FMN1: variants seen among roughly 807,000 people sequenced by gnomAD.
FMN1 encodes formin-1.
Under a neutral mutation model 132.4 loss-of-function variants are expected in FMN1, and 110 were observed. The ratio of observed to expected loss-of-function variants is 0.83; its 90% CI spans 0.71 to 0.97. FMN1 has a LOEUF of 0.97. FMN1 is among the 50% of genes least tolerant of loss of function. The pLI is 0.00. For missense variants in FMN1, 1,792 were observed against 1,705.3 expected (o/e 1.05, Z -0.90); for synonymous variants, 722 against 651.7 (o/e 1.11, Z -1.64).
chr15:32,898,474 T>G (rs924016313), intron 15 of FMN1, among the ~76,000 whole-genome samples: 1 of 152,186 alleles, frequency 6.6e-6, no homozygotes, highest in East Asian at 1.9e-4. Context: ...GAGTCTTACT[T>G]TCCTAAATTT....
intron 9 of FMN1, among the ~76,000 whole-genome samples, chr15:32,952,169 A>C (rs1299317953): frequency 1.3e-5 from 2 of 152,218 alleles, no homozygotes; most frequent in African/African-American, 4.8e-5. Context: ...TCCACACCCC[A>C]AGAGTATATG....
chr15:32,930,461 CATT>C (rs1336834215), intron 9 of FMN1, among the ~76,000 whole-genome samples: 19 of 151,016 alleles, frequency 1.3e-4, no homozygotes, highest in African/African-American at 4.6e-4. Flanking sequence ...GGGGTTATCT[CATT>C]GTGATTTTGA....
intron 6 of FMN1, among the ~76,000 whole-genome samples, chr15:33,059,918 C>A (rs371941569): frequency 2.0e-5 from 3 of 152,202 alleles, no homozygotes; most frequent in African/African-American, 7.2e-5. Flanking sequence ...GATTCCTCTC[C>A]TAAAAGCCAA....
intron 4 of FMN1, among the ~76,000 whole-genome samples, chr15:33,139,249 C>T (rs578172540): frequency 6.6e-6 from 1 of 152,206 alleles, no homozygotes; most frequent in South Asian, 2.1e-4. Flanking sequence ...TTTATGAAGC[C>T]ACCAGGCAAT....
chr15:33,117,611 GATAC>G (rs1292113402), intron 4 of FMN1, among the ~76,000 whole-genome samples: 3 of 152,300 alleles, frequency 2.0e-5, no homozygotes, highest in African/African-American at 7.2e-5. Flanking sequence ...AAAATTTATA[GATAC>G]GTGGAATGAG....
rs1176986147 is a variant in FMN1, at chr15:32,823,235, C to G, written c.3929-18903G>C. 4.8e-5 allele frequency among the ~76,000 whole-genome samples: 7 copies of G among 144,904 alleles called. No individual in the cohort carries two copies. In the South Asian group the frequency reaches 1.3e-3, roughly 27 times the overall value. On this transcript the variant is annotated intron_variant, in intron 17 of 20. Coordinates refer to ENST00000616417, the MANE Select transcript of FMN1 (RefSeq NM_001277313.2). ...GGAGTGCAGTGGCTCAATCTCGGCT[C>G]ACTGCAAGCTCTGCCTCCTGGGTTC...
chr15:32,908,423 G>T, intron 12 of FMN1, 67 bp downstream of exon 12: 4 of 1,024,046 alleles, frequency 3.9e-6, no homozygotes, highest in Non-Finnish European at 6.1e-6. Flanking sequence ...ATTCTGAGCT[G>T]GGAGACAAGA....
chr15:33,018,739 A>C (rs2124169), intron 6 of FMN1, among the ~76,000 whole-genome samples: 1,647 of 152,122 alleles, frequency 0.011, 27 homozygotes, highest in African/African-American at 0.038. Flanking sequence ...GCGTGTCCGG[A>C]GTTTGTTCCC....
intron 6 of FMN1, among the ~76,000 whole-genome samples, chr15:33,037,614 C>T (rs1032847227): frequency 5.3e-5 from 8 of 152,182 alleles, no homozygotes; most frequent in African/African-American, 1.9e-4. Flanking sequence ...GAAAGATAAA[C>T]AGCATTGACA....
intron 6 of FMN1, among the ~76,000 whole-genome samples, chr15:33,026,055 G>A (rs1012598780): frequency 2.6e-5 from 4 of 151,812 alleles, no homozygotes; most frequent in African/African-American, 9.7e-5. Flanking sequence ...GACAGCATCT[G>A]AATGGGGTTT....
At chr15:33,076,562 A>G (rs1401060023) in intron 5 of FMN1, among the ~76,000 whole-genome samples, 1 of 152,156 alleles carries the variant, frequency 6.6e-6, no homozygotes, top group African/African-American at 2.4e-5. Context: ...AGGAGCATGC[A>G]TGCTGTTCCA....
chr15:33,097,142 C>T (rs2039115936), intron 4 of FMN1, among the ~76,000 whole-genome samples: 1 of 151,818 alleles, frequency 6.6e-6, no homozygotes, highest in Non-Finnish European at 1.5e-5. Context: ...AAAAAAAATA[C>T]AAAAATCAGC....
intron 6 of FMN1, among the ~76,000 whole-genome samples, chr15:33,048,644 A>AAAAAAAAACAAAACAAAAAC: frequency 1.2e-5 from 1 of 86,920 alleles, no homozygotes. Context: ...AAAAAAAAAA[A>AAAAAAAAACAAAACAAAAAC]AAAAACCAAC....
chr15:32,928,443 A>G (rs6494781), intron 9 of FMN1, among the ~76,000 whole-genome samples: 7,173 of 152,298 alleles, frequency 0.047, 551 homozygotes, highest in African/African-American at 0.16. Context: ...AAAAAAATTA[A>G]GAAAAGTCAA....
intron 7 of FMN1, among the ~76,000 whole-genome samples, chr15:32,981,537 A>ATT (rs1566788098): frequency 1.1e-3 from 139 of 123,218 alleles, no homozygotes; most frequent in African/African-American, 1.4e-3. Flanking sequence ...TAATAATAAT[A>ATT]ATAATAATTA....
At chr15:32,801,417 G>A (rs1047320836) in intron 18 of FMN1, among the ~76,000 whole-genome samples, 4 of 152,128 alleles carry the variant, frequency 2.6e-5, no homozygotes, top group African/African-American at 7.2e-5. Flanking sequence ...GACTCCCAGA[G>A]GATGGCCTGG....
intron 16 of FMN1, among the ~76,000 whole-genome samples, chr15:32,885,071 T>C (rs573645809): frequency 6.6e-6 from 1 of 152,370 alleles, no homozygotes; most frequent in Admixed American, 6.5e-5. Context: ...TCTACGATTA[T>C]GCTACTTGAC....
intron 17 of FMN1, among the ~76,000 whole-genome samples, chr15:32,809,867 A>G (rs560646131): frequency 6.6e-6 from 1 of 152,140 alleles, no homozygotes; most frequent in East Asian, 1.9e-4. Flanking sequence ...TGCAACCAAA[A>G]TCTGTTTTCA....
intron 9 of FMN1, among the ~76,000 whole-genome samples, chr15:32,929,678 G>A (rs1329280637): frequency 1.3e-5 from 2 of 151,944 alleles, no homozygotes; most frequent in Non-Finnish European, 2.9e-5. Flanking sequence ...GTGGAATCAT[G>A]CAGCATTTAT....
Sources: allele counts gnomAD v4.1 joint callset (sites outside exome capture counted in the v4.1 genomes callset), GRCh38; gene constraint gnomAD v4.1.1; transcripts MANE v1.5; gene names NCBI Gene and HGNC (gene_info 2026-07-23, HGNC 2026-07-21).